Variants in RBM23 observed in about 807,000 individuals in gnomAD.
RBM23 encodes the protein RNA binding motif protein 23, also known as probable RNA-binding protein 23.
In RBM23, 53 loss-of-function variants were observed where a neutral mutation model predicts 56.2. The ratio of observed to expected loss-of-function variants is 0.94; its 90% CI spans 0.76 to 1.19. RBM23 has a LOEUF of 1.19. Ranked by LOEUF, RBM23 falls within the 50% of genes most tolerant of loss-of-function variation. The pLI, the probability that RBM23 is intolerant of heterozygous loss-of-function variation, is 0.00. For synonymous variants in RBM23, 197 were observed against 198.5 expected (o/e 0.99, Z 0.06); for missense variants, 642 against 590.3 (o/e 1.09, Z -0.91).
intron 10 of RBM23, chr14:22,903,852 TG>T: frequency 8.9e-7 from 1 of 1,117,830 alleles, no homozygotes; most frequent in Non-Finnish European, 1.1e-6. Context: ...TTGCTTCAAA[TG>T]GGGTAGCACC....
intron 1 of RBM23, among the ~76,000 whole-genome samples, chr14:22,915,572 GCCAACCTCTGCCTC>G (rs1242272178): frequency 1.6e-5 from 2 of 126,708 alleles, no homozygotes; most frequent in African/African-American, 6.1e-5. Context: ...CTCAGTTCAC[GCCAACCTCTGCCTC>G]CCAGGTTCAA....
rs2040273686 is a variant in RBM23, at chr14:22,897,890, T to G, written c.*3840A>C. The G allele has an allele frequency of 6.6e-6, 1 of 152,226 alleles. No individual in the cohort carries two copies. The highest frequency in any genetic ancestry group is 1.9e-4 in the East Asian group (1 of 5,206). The allele number at this position is 152,226 out of a possible 1,614,324, so 9.4% of individuals were successfully genotyped here. A position where few individuals can be genotyped will look rare whatever the true frequency, so the allele number is the denominator to read the frequency against. ...TGTTTACAAAGTAAAGATAATAAAC[T>G]ACTTGAGAGGATTGTTGTGAGGATT... is the stretch of plus-strand genomic sequence containing the variant. On this transcript the variant is annotated 3_prime_UTR_variant, in exon 14 of 14. Transcript: ENST00000359890.
At chr14:22,916,327 G>A (rs2043489604) in intron 1 of RBM23, among the ~76,000 whole-genome samples, 1 of 151,744 alleles carries the variant, frequency 6.6e-6, no homozygotes, top group South Asian at 2.1e-4. Flanking sequence ...TGCAATCTCG[G>A]CTCACTGCAA....
Position 22,902,316 on chromosome 14 carries a change from G to C in RBM23, c.997C>G (p.Pro333Ala), listed in dbSNP as rs2040684236. ...QLNGFELAGR[P>A]MRVGHVTERL... is the part of the protein sequence containing the mutation. ...TCAGTCACATGGCCAACCCTCATAGGTCGACCAGCAAGCTCAAACCCATTC... is the reference window on the plus strand; with the variant it reads ...TCAGTCACATGGCCAACCCTCATAGCTCGACCAGCAAGCTCAAACCCATTC... The change falls in exon 11 of 14, where the codon CCT becomes GCT. Residue 333 changes from proline (P) to alanine (A), a missense_variant. Physicochemically the swap from Pro to Ala is conservative, Grantham distance 27. Transcript: ENST00000359890. 1 of 1,614,068 alleles carries C rather than the reference G, an allele frequency of 6.2e-7. No homozygotes were observed. The highest frequency in any genetic ancestry group is 8.5e-7 in the Non-Finnish European group (1 of 1,180,026).
In RBM23 at chr14:22,901,952, T is replaced by A. The variant is rs186285553; in HGVS notation, c.1246+28A>T. ...TCCTTCTTTCCAGACCCCCAAACCTTCCCTTCCTTTCCCATGTCCAAGACT... is the reference window on the plus strand; with the variant it reads ...TCCTTCTTTCCAGACCCCCAAACCTACCCTTCCTTTCCCATGTCCAAGACT... On this transcript the variant is annotated intron_variant, in intron 12 of 13. Transcript: ENST00000359890. 5.8e-5 allele frequency: 94 copies of A among 1,611,200 alleles called. 2 individuals carry two copies. The East Asian group carries it at 1.2e-3, about 21-fold the overall frequency.
Position 22,897,552 on chromosome 14 carries a change from CAT to C in RBM23, c.*4176_*4177del, listed in dbSNP as rs1402029621. The stretch of plus-strand genomic sequence containing the variant: ...GGTCTGAGGCTGGCTTCTCAATGCA[CAT>C]GCCCATGCTATCTCCCAGGGCCCTT... On this transcript the variant is annotated 3_prime_UTR_variant, in exon 14 of 14. Transcript: ENST00000359890. The C allele has an allele frequency of 1.3e-5, 2 of 152,236 alleles. No individual in the cohort carries two copies. The highest frequency in any genetic ancestry group is 2.4e-5 in the African/African-American group (1 of 41,444). The allele number at this position is 152,236 out of a possible 1,614,324, so 9.4% of individuals were successfully genotyped here.
In RBM23 at chr14:22,900,209, C is replaced by G. The variant is rs1013673015; in HGVS notation, c.*1521G>C. On this transcript the variant is annotated 3_prime_UTR_variant, in exon 14 of 14. Coordinates refer to ENST00000359890, the MANE Select transcript of RBM23 (RefSeq NM_001077351.2). ...GAGAACCCTGCTGTTATACAAGACC[C>G]AAACCCCTTTGGATATTGGATTGGG... 1 of 152,102 alleles carries G rather than the reference C, an allele frequency of 6.6e-6. No individual in the cohort carries two copies. Among genetic ancestry groups the G allele is most frequent in the Non-Finnish European group, 1.5e-5 (1 of 68,054 alleles). The allele number at this position is 152,102 out of a possible 1,614,324, so 9.4% of individuals were successfully genotyped here. A position where few individuals can be genotyped will look rare whatever the true frequency, so the allele number is the denominator to read the frequency against.
chr14:22,913,407 C>A lies in RBM23; in HGVS notation c.-10-2004G>T, dbSNP rs1374953922. Among the ~76,000 whole-genome samples, 3 of 130,782 alleles carry A rather than the reference C, an allele frequency of 2.3e-5. No homozygotes were observed. The Admixed American group carries it at 2.4e-4, about 11-fold the overall frequency. The allele number at this position is 130,782 out of a possible 152,430, so 85.8% of individuals were successfully genotyped here. A position where few individuals can be genotyped will look rare whatever the true frequency, so the allele number is the denominator to read the frequency against. ...CCAACCTGGGCGACAGAGCAAGGCT[C>A]CGTCTCAAAAAAAAAAAAAAAAAAT... On this transcript the variant is annotated intron_variant, in intron 1 of 13. Transcript: ENST00000359890.
In RBM23 at chr14:22,893,649, G is replaced by A. The variant is rs1255380393; in HGVS notation, c.*8081C>T. 1 of 152,232 alleles carries A rather than the reference G, an allele frequency of 6.6e-6. No individual in the cohort carries two copies. The highest frequency in any genetic ancestry group is 2.4e-5 in the African/African-American group (1 of 41,456). The allele number at this position is 152,232 out of a possible 1,614,324, so 9.4% of individuals were successfully genotyped here. A position where few individuals can be genotyped will look rare whatever the true frequency, so the allele number is the denominator to read the frequency against. On this transcript the variant is annotated 3_prime_UTR_variant, in exon 14 of 14. Coordinates refer to ENST00000359890, the MANE Select transcript of RBM23 (RefSeq NM_001077351.2). ...AGCATTCCTTGTGGTCAAACTACAT[G>A]AGCAAATGCACAGAGAAGAAACAGT...
At chr14:22,914,698 T>G (rs1286205901) in intron 1 of RBM23, among the ~76,000 whole-genome samples, 1 of 151,830 alleles carries the variant, frequency 6.6e-6, no homozygotes, top group Non-Finnish European at 1.5e-5. Context: ...GTAAGAACTT[T>G]GTTGGCCAGC....
At position 22,902,402 on chromosome 14, in the gene RBM23, T is replaced by C. The variant is rs17124097; in HGVS notation, c.931-20A>G. The C allele has an allele frequency of 5.3e-3, 8,517 of 1,605,054 alleles. 352 individuals carry two copies. In the African/African-American group the frequency reaches 0.092, roughly 17 times the overall value. ...AGAGAACTATGAGAAACCCAGGCCA[T>C]GTTAGTCACCTACTCACCAAAGACA... On this transcript the variant is annotated intron_variant, in intron 10 of 13. Transcript: ENST00000359890.
rs2040360867 is a variant in RBM23, at chr14:22,900,525, T to C, written c.*1205A>G. The C allele has an allele frequency of 6.6e-6, 1 of 152,082 alleles. No homozygotes were observed. The highest frequency in any genetic ancestry group is 2.1e-4 in the South Asian group (1 of 4,830). The allele number at this position is 152,082 out of a possible 1,614,324, so 9.4% of individuals were successfully genotyped here. ...GTAGCTGGGATGGAGATAGTTAGGA[T>C]GAAGATAGATGGAGAAGACAACCAT... On this transcript the variant is annotated 3_prime_UTR_variant, in exon 14 of 14. Coordinates refer to ENST00000359890, the MANE Select transcript of RBM23 (RefSeq NM_001077351.2).
At chr14:22,917,517 G>C (rs139570559) in intron 1 of RBM23, 2 of 152,138 alleles carry the variant, frequency 1.3e-5, no homozygotes, top group East Asian at 1.9e-4. Context: ...AAAGCAATAA[G>C]GTAGCAAACA....
chr14:22,908,616 A>G, intron 3 of RBM23: 1 of 377,952 alleles, frequency 2.6e-6, no homozygotes, highest in Non-Finnish European at 4.7e-6. Flanking sequence ...TTCATCTTGA[A>G]CCCCTGGCCT....
In RBM23 at chr14:22,905,221, T is replaced by C. The variant is rs1209994898; in HGVS notation, c.599A>G (p.Asp200Gly). 6 of 1,614,144 alleles carry C rather than the reference T, an allele frequency of 3.7e-6. No homozygotes were observed. The highest frequency in any genetic ancestry group is 1.1e-5 in the South Asian group (1 of 91,078). The change falls in exon 8 of 14, where the codon GAT becomes GGT. Residue 200 changes from aspartate to glycine, a missense_variant. Coordinates refer to ENST00000359890, the MANE Select transcript of RBM23 (RefSeq NM_001077351.2). Reference sequence around the variant, plus strand: ...GCCCTTAGAACGACGTGAGTTCCGATCTGAGATGATACGTACATCGCGAAC... The same window carrying C: ...GCCCTTAGAACGACGTGAGTTCCGACCTGAGATGATACGTACATCGCGAAC... The part of the protein sequence containing the change: ...GKVRDVRIIS[D>G]RNSRRSKGIA...
At position 22,900,615 on chromosome 14, in the gene RBM23, T is replaced by C. The variant is rs1253291206; in HGVS notation, c.*1115A>G. 1.3e-5 allele frequency: 2 copies of C among 152,078 alleles called. No individual in the cohort carries two copies. The highest frequency in any genetic ancestry group is 4.8e-5 in the African/African-American group (2 of 41,368). 9.4% of individuals were successfully genotyped at this position (152,078 alleles called of 1,614,324 possible). ...CCCAGGTGTGAGTTTTCATTTTTCT[T>C]TCTAAAGGTGGTTAAATAAATAAAC... On this transcript the variant is annotated 3_prime_UTR_variant, in exon 14 of 14. Coordinates refer to ENST00000359890, the MANE Select transcript of RBM23 (RefSeq NM_001077351.2).
In RBM23 at chr14:22,894,744, C is replaced by T. The variant is rs2040220727; in HGVS notation, c.*6986G>A. ...CATGAGACTCTGTCTCAGAAAAATA[C>T]ATAAATAAGGCCCAGCCGGGCGCAG... is the stretch of plus-strand genomic sequence containing the variant. On this transcript the variant is annotated 3_prime_UTR_variant, in exon 14 of 14. Transcript: ENST00000359890. 1 of 136,660 alleles carries T rather than the reference C, an allele frequency of 7.3e-6. No individual in the cohort carries two copies. The highest frequency in any genetic ancestry group is 2.8e-5 in the African/African-American group (1 of 35,760). The allele number at this position is 136,660 out of a possible 1,614,324, so 8.5% of individuals were successfully genotyped here. A position where few individuals can be genotyped will look rare whatever the true frequency, so the allele number is the denominator to read the frequency against.
chr14:22,901,685 G>A lies in RBM23; in HGVS notation c.*45C>T. On this transcript the variant is annotated 3_prime_UTR_variant, in exon 14 of 14. Transcript: ENST00000359890. ...GGCCATGGAAGAGTAGATGTGAAGT[G>A]GCAGGATCCAGAGGCACAAGGAGGC... 1 of 1,601,224 alleles carries A rather than the reference G, an allele frequency of 6.2e-7. No homozygotes were observed. Among genetic ancestry groups the A allele is most frequent in the East Asian group, 2.2e-5 (1 of 44,798 alleles).
Position 22,901,422 on chromosome 14 carries a change from A to C in RBM23, c.*308T>G. On this transcript the variant is annotated 3_prime_UTR_variant, in exon 14 of 14. Transcript: ENST00000359890. ...TTCCCAATGGGGGAGAAATTGAGGA[A>C]TCACTAAGGTGTTGGAAAGGGCAAG... is the stretch of plus-strand genomic sequence containing the variant. 2.0e-6 allele frequency: 1 copy of C among 505,148 alleles called. No homozygotes were observed. Among genetic ancestry groups the C allele is most frequent in the Non-Finnish European group, 3.5e-6 (1 of 283,366 alleles). 31.3% of individuals were successfully genotyped at this position (505,148 alleles called of 1,614,324 possible).
Sources: gnomAD v4.1 joint callset for allele counts (sites outside exome capture counted in the v4.1 genomes callset) on GRCh38, gnomAD v4.1.1 for gene constraint, MANE v1.5 for transcripts, NCBI Gene and HGNC (gene_info 2026-07-23, HGNC 2026-07-21) for gene names.